Variants in XPR1 observed in about 807,000 individuals in gnomAD.
XPR1 encodes the protein xenotropic and polytropic retrovirus receptor 1, also known as solute carrier family 53 member 1.
Under a neutral mutation model 87.5 loss-of-function variants are expected in XPR1, and 28 were observed. The observed-to-expected ratio is 0.32, with a 90% CI of 0.24 to 0.44. The LOEUF is 0.44. Ranked by LOEUF, XPR1 falls within the 20% of genes least tolerant of loss-of-function variation. The pLI, the probability that XPR1 is intolerant of heterozygous loss-of-function variation, is 1.00. For synonymous variants in XPR1, 300 were observed against 306.1 expected, an observed-to-expected ratio of 0.98 and a Z score of 0.21; for missense variants, 559 against 862.3, an observed-to-expected ratio of 0.65 and a Z score of 4.41.
At chr1:180,771,802 C>T (rs1180594298) in intron 2 of XPR1, among the ~76,000 whole-genome samples, 2 of 152,038 alleles carry the variant, frequency 1.3e-5, no homozygotes, top group African/African-American at 4.8e-5. Flanking sequence ...CAGGGGGTAC[C>T]TGTAGTTGCT....
At chr1:180,821,623 A>G (rs1329749063) in intron 7 of XPR1, among the ~76,000 whole-genome samples, 2 of 152,194 alleles carry the variant, frequency 1.3e-5, no homozygotes, top group African/African-American at 4.8e-5. Flanking sequence ...TTAAATCTGT[A>G]GATTGCTTTG....
At chr1:180,677,226 T>C (rs149931170) in intron 1 of XPR1, among the ~76,000 whole-genome samples, 5 of 152,324 alleles carry the variant, frequency 3.3e-5, no homozygotes, top group African/African-American at 1.2e-4. Context: ...CCTTGCTCAC[T>C]GCCTAGACAG....
intron 1 of XPR1, among the ~76,000 whole-genome samples, chr1:180,647,357 T>C (rs751979762): frequency 2.6e-5 from 4 of 152,242 alleles, no homozygotes; most frequent in Non-Finnish European, 5.9e-5. Flanking sequence ...TTTAACATTA[T>C]GATGGCTACA....
chr1:180,861,315 A>AAAC (rs1397491217), intron 11 of XPR1, among the ~76,000 whole-genome samples: 1 of 150,108 alleles, frequency 6.7e-6, no homozygotes, highest in Non-Finnish European at 1.5e-5. Flanking sequence ...CTTGTTTTGA[A>AAAC]AATATGAGGA....
At chr1:180,749,639 T>TCTCACACACACA (rs1256087509) in intron 2 of XPR1, among the ~76,000 whole-genome samples, 3 of 142,434 alleles carry the variant, frequency 2.1e-5, no homozygotes, top group Admixed American at 7.0e-5. Flanking sequence ...CACATATACA[T>TCTCACACACACA]CACACACACA....
rs565607039 is a variant in XPR1 at position 180,861,139 on chromosome 1, A to G, written c.1502-2569A>G. On this transcript the variant is annotated intron_variant, in intron 11 of 14. Transcript: ENST00000367590. ...TTGTTATCTCCTACTAAATGTATCT[A>G]TTACTCTATTCTCATGTCCTTTTAC... is the stretch of plus-strand genomic sequence containing the variant. 1.8e-3 allele frequency among the ~76,000 whole-genome samples: 270 copies of G among 152,232 alleles called. 1 individual carries two copies. The highest frequency in any genetic ancestry group is 6.2e-3 in the African/African-American group (258 of 41,572).
intron 12 of XPR1, among the ~76,000 whole-genome samples, chr1:180,866,298 G>A (rs978024902): frequency 6.6e-6 from 1 of 152,126 alleles, no homozygotes. Flanking sequence ...GGAATCCAGT[G>A]GAGCTTCATT....
At chr1:180,685,065 G>A (rs1247514189) in intron 2 of XPR1, among the ~76,000 whole-genome samples, 6 of 151,922 alleles carry the variant, frequency 3.9e-5, no homozygotes, top group Admixed American at 2.0e-4. Flanking sequence ...TCTTGTGCCA[G>A]TTTTCAAAGG....
At chr1:180,853,626 G>GACACACACACACACACACAC (rs143320476) in intron 11 of XPR1, among the ~76,000 whole-genome samples, 92 of 140,330 alleles carry the variant, frequency 6.6e-4, no homozygotes, top group Non-Finnish European at 1.0e-3. Context: ...TTAGACTATA[G>GACACACACACACACACACAC]ACACACACAC....
intron 13 of XPR1, among the ~76,000 whole-genome samples, chr1:180,875,807 G>C (rs920383712): frequency 2.0e-5 from 3 of 151,936 alleles, no homozygotes; most frequent in African/African-American, 7.2e-5. Context: ...AAATACTGTT[G>C]ATAAAGTACT....
chr1:180,875,455 G>C (rs563538466), intron 13 of XPR1, among the ~76,000 whole-genome samples: 41 of 147,666 alleles, frequency 2.8e-4, no homozygotes, highest in African/African-American at 1.0e-3. Context: ...GTTGCAGTGA[G>C]TCAAGATCAT....
rs939823765 is a variant in XPR1, at chr1:180,750,303, G to T, written c.122-37450G>T. Among the ~76,000 whole-genome samples the T allele has an allele frequency of 3.3e-5, 5 of 152,146 alleles. No individual in the cohort carries two copies. In the South Asian group the frequency reaches 6.2e-4, roughly 19 times the overall value. On this transcript the variant is annotated intron_variant, in intron 2 of 14. Transcript: ENST00000367590. Reference sequence around the variant, plus strand: ...GTAGTGCATAGCTGATTTTTTTCCAGCTCCCAAAGGGGAAGAACTAATTGC... The same window carrying T: ...GTAGTGCATAGCTGATTTTTTTCCATCTCCCAAAGGGGAAGAACTAATTGC...
At chr1:180,737,337 G>T (rs577398188) in intron 2 of XPR1, among the ~76,000 whole-genome samples, 148 of 152,162 alleles carry the variant, frequency 9.7e-4, no homozygotes, top group African/African-American at 3.0e-3. Context: ...GAAAATTCAG[G>T]CTATGTATAC....
intron 2 of XPR1, among the ~76,000 whole-genome samples, chr1:180,787,354 T>A (rs1326076470): frequency 6.6e-6 from 1 of 151,740 alleles, no homozygotes; most frequent in East Asian, 1.9e-4. Flanking sequence ...CAGGCTGGAG[T>A]GCAGTGGTGC....
At chr1:180,742,798 C>G (rs1658963598) in intron 2 of XPR1, among the ~76,000 whole-genome samples, 1 of 152,008 alleles carries the variant, frequency 6.6e-6, no homozygotes. Context: ...GTGTTTGATT[C>G]ATATATCTTG....
At chr1:180,691,375 A>G (rs963073332) in intron 2 of XPR1, among the ~76,000 whole-genome samples, 1 of 152,170 alleles carries the variant, frequency 6.6e-6, no homozygotes, top group African/African-American at 2.4e-5. Flanking sequence ...TTAAATTAAA[A>G]TAGACCTATT....
At chr1:180,681,463 G>A (rs1455274631) in intron 1 of XPR1, among the ~76,000 whole-genome samples, 1 of 152,076 alleles carries the variant, frequency 6.6e-6, no homozygotes, top group Non-Finnish European at 1.5e-5. Flanking sequence ...GGCTAACACG[G>A]TGAAACTCTG....
At chr1:180,785,985 T>A (rs950150607) in intron 2 of XPR1, among the ~76,000 whole-genome samples, 1 of 150,402 alleles carries the variant, frequency 6.6e-6, no homozygotes, top group Non-Finnish European at 1.5e-5. Flanking sequence ...AAGAGAAAGC[T>A]GTGACCTGCT....
intron 2 of XPR1, among the ~76,000 whole-genome samples, chr1:180,779,643 C>G (rs532167457): frequency 1.2e-3 from 186 of 150,902 alleles, no homozygotes; most frequent in African/African-American, 4.4e-3. Context: ...CCCAGCTACT[C>G]AGGAGGCTGA....
Sources: gnomAD v4.1 joint callset for allele counts (sites outside exome capture counted in the v4.1 genomes callset) on GRCh38, gnomAD v4.1.1 for gene constraint, MANE v1.5 for transcripts, NCBI Gene and HGNC (gene_info 2026-07-23, HGNC 2026-07-21) for gene names.